ASIC2: variants seen among roughly 807,000 people sequenced by gnomAD.
The protein encoded by ASIC2 is acid sensing ion channel subunit 2.
ASIC2 carries 25 observed loss-of-function variants against 57.3 expected under a neutral mutation model. The ratio of observed to expected loss-of-function variants is 0.44; its 90% CI spans 0.32 to 0.61. The LOEUF is 0.61. Ranked by LOEUF, ASIC2 falls within the 20% of genes least tolerant of loss-of-function variation. ASIC2 has a pLI of 0.06. For missense variants in ASIC2, 641 were observed against 738.1 expected (o/e 0.87, Z 1.52); for synonymous variants, 319 against 307.5 (o/e 1.04, Z -0.39).
At chr17:33,423,956 C>T (rs749884238) in intron 1 of ASIC2, among the ~76,000 whole-genome samples, 1 of 152,208 alleles carries the variant, frequency 6.6e-6, no homozygotes, top group Non-Finnish European at 1.5e-5. Context: ...CTCTCTGTGC[C>T]TCAGTTTCTT....
Position 33,233,602 on chromosome 17 carries a change from A to G in ASIC2, c.708+57806T>C, listed in dbSNP as rs568282226. Reference sequence around the variant, plus strand: ...AGGTATTCTGTACACAAAAGTCTCCACATCTGCCTTTCAACTGGTTTTTTT... The same window carrying G: ...AGGTATTCTGTACACAAAAGTCTCCGCATCTGCCTTTCAACTGGTTTTTTT... On this transcript the variant is annotated intron_variant, in intron 1 of 9. Transcript: ENST00000225823. 2.6e-5 allele frequency among the ~76,000 whole-genome samples: 4 copies of G among 151,438 alleles called. No homozygotes were observed. The South Asian group carries it at 8.3e-4, about 32-fold the overall frequency.
intron 1 of ASIC2, among the ~76,000 whole-genome samples, chr17:33,528,108 C>A (rs913085012): frequency 6.7e-6 from 1 of 150,110 alleles, no homozygotes; most frequent in African/African-American, 2.5e-5. Context: ...TTACCACGCC[C>A]TCGTAGGAGG....
intron 1 of ASIC2, among the ~76,000 whole-genome samples, chr17:33,700,300 A>C (rs1004695498): frequency 1.3e-5 from 2 of 152,198 alleles, no homozygotes; most frequent in Admixed American, 1.3e-4. Flanking sequence ...TTCTGTTGAT[A>C]GTTTGTAACC....
At chr17:33,342,114 C>T (rs868255769) in intron 1 of ASIC2, among the ~76,000 whole-genome samples, 6 of 152,172 alleles carry the variant, frequency 3.9e-5, no homozygotes, top group Non-Finnish European at 1.5e-5. Flanking sequence ...TATCAAGTGG[C>T]AGGTGGTATT....
At chr17:33,246,630 A>G (rs1908699338) in intron 1 of ASIC2, among the ~76,000 whole-genome samples, 1 of 152,236 alleles carries the variant, frequency 6.6e-6, no homozygotes, top group African/African-American at 2.4e-5. Context: ...CTCCTGAGCT[A>G]AGTGCAAGTG....
chr17:33,496,603 GTTTTTTT>G (rs61267122), intron 1 of ASIC2, among the ~76,000 whole-genome samples: 32 of 70,992 alleles, frequency 4.5e-4, no homozygotes, highest in African/African-American at 1.8e-3. Context: ...GTTATTGTAG[GTTTTTTT>G]TTTTTTTTTT....
At chr17:33,102,143 C>A (rs985735366) in intron 2 of ASIC2, among the ~76,000 whole-genome samples, 1 of 152,190 alleles carries the variant, frequency 6.6e-6, no homozygotes, top group Non-Finnish European at 1.5e-5. Flanking sequence ...CTTATGCAAT[C>A]CTTGATTTAC....
chr17:34,055,013 T>C (rs1341022323), intron 1 of ASIC2, among the ~76,000 whole-genome samples: 1 of 152,128 alleles, frequency 6.6e-6, no homozygotes, highest in Non-Finnish European at 1.5e-5. Context: ...CCAAAGGCCC[T>C]GCATTTGGAA....
At chr17:33,044,059 A>G (rs1005623219) in intron 3 of ASIC2, among the ~76,000 whole-genome samples, 6 of 151,204 alleles carry the variant, frequency 4.0e-5, no homozygotes, top group Middle Eastern at 3.5e-3. Context: ...GCAAAAAAGC[A>G]ACAGGATTTT....
At chr17:33,277,462 A>G (rs1904751005) in intron 1 of ASIC2, among the ~76,000 whole-genome samples, 1 of 152,194 alleles carries the variant, frequency 6.6e-6, no homozygotes, top group Admixed American at 6.5e-5. Flanking sequence ...TTACTGCACC[A>G]CATGGTTATC....
At chr17:33,621,417 C>T (rs765871341) in intron 1 of ASIC2, among the ~76,000 whole-genome samples, 6 of 152,090 alleles carry the variant, frequency 3.9e-5, no homozygotes, top group Admixed American at 2.0e-4. Context: ...TAGAACGGGG[C>T]GATGTAAGGA....
At chr17:33,895,092 T>G (rs1915061394) in intron 1 of ASIC2, among the ~76,000 whole-genome samples, 1 of 152,174 alleles carries the variant, frequency 6.6e-6, no homozygotes, top group Non-Finnish European at 1.5e-5. Flanking sequence ...TCACCTATGC[T>G]GTCCAGTCCT....
At chr17:34,062,870 G>T (rs543679943) in intron 1 of ASIC2, among the ~76,000 whole-genome samples, 2 of 152,106 alleles carry the variant, frequency 1.3e-5, no homozygotes, top group South Asian at 4.1e-4. Context: ...GATTGAAGTG[G>T]TAATTAAAAA....
At chr17:33,477,150 C>T (rs956785570) in intron 1 of ASIC2, among the ~76,000 whole-genome samples, 1 of 152,162 alleles carries the variant, frequency 6.6e-6, no homozygotes, top group Non-Finnish European at 1.5e-5. Flanking sequence ...TATTGAAGGA[C>T]ATTTAAACTT....
intron 1 of ASIC2, among the ~76,000 whole-genome samples, chr17:33,202,017 CAAAAA>C (rs55724157): frequency 2.2e-5 from 2 of 92,270 alleles, no homozygotes; most frequent in African/African-American, 4.0e-5. Flanking sequence ...GAGACTGTCT[CAAAAA>C]AAAAAAAAAA....
At position 34,039,885 on chromosome 17, in the gene ASIC2, CGCCGCCGCT is replaced by C. The variant is rs1316718277; in HGVS notation, c.555+116084_555+116092del. The C allele has an allele frequency of 2.5e-6, 4 of 1,589,410 alleles. No homozygotes were observed. The East Asian group carries it at 9.0e-5, about 36-fold the overall frequency. ...ATTCTTCCATCATTTCTACTGCCGC[CGCCGCCGCT>C]GCCGCTCCACGCTCCTCCCTGGAGG... On this transcript the variant is annotated intron_variant, in intron 1 of 9. Transcript: ENST00000359872.
intron 3 of ASIC2, among the ~76,000 whole-genome samples, chr17:33,085,347 CTTAA>C (rs144863595): frequency 0.01 from 1,569 of 152,236 alleles, 32 homozygotes; most frequent in African/African-American, 0.036. Context: ...AATTTTAAGA[CTTAA>C]TTGATTGTAA....
At chr17:34,072,639 T>G (rs2142069685) in intron 1 of ASIC2, among the ~76,000 whole-genome samples, 1 of 152,358 alleles carries the variant, frequency 6.6e-6, no homozygotes, top group African/African-American at 2.4e-5. Context: ...TTCCTTCTAG[T>G]CTTTTTAATT....
chr17:33,709,264 G>A (rs111541046), intron 1 of ASIC2, among the ~76,000 whole-genome samples: 97 of 152,290 alleles, frequency 6.4e-4, no homozygotes, highest in African/African-American at 2.3e-3. Context: ...CTCCTGCAGT[G>A]GGCTCAATAA....
Sources: gnomAD v4.1 joint callset for allele counts (sites outside exome capture counted in the v4.1 genomes callset) on GRCh38, gnomAD v4.1.1 for gene constraint, MANE v1.5 for transcripts, NCBI Gene and HGNC (gene_info 2026-07-23, HGNC 2026-07-21) for gene names.